The following LINS1 variants were observed in gnomAD, a reference collection of about 807,000 sequenced individuals.
The protein encoded by LINS1 is lines homolog 1, also known as protein Lines homolog 1.
Under a neutral mutation model 41.6 loss-of-function variants are expected in LINS1, and 27 were observed. That is an observed-to-expected ratio of 0.65 (90% CI 0.48 to 0.89). The LOEUF is 0.89. Ranked by LOEUF, LINS1 falls within the 40% of genes least tolerant of loss-of-function variation. LINS1 has a pLI of 0.00. For synonymous variants in LINS1, 336 were observed against 312.9 expected, an observed-to-expected ratio of 1.07 and a Z score of -0.78; for missense variants, 955 against 884.1, an observed-to-expected ratio of 1.08 and a Z score of -1.02.
chr15:100,570,071 C>A lies in LINS1; in HGVS notation c.1441G>T (p.Asp481Tyr). The change falls in exon 7 of 7, where the codon GAC becomes TAC. Residue 481 changes from aspartate (D) to tyrosine (Y), a missense_variant. Coordinates refer to ENST00000314742, the MANE Select transcript of LINS1 (RefSeq NM_001040616.3). ...ESLTQGKEMW[D>Y]HHTHENGYNP... is the part of the protein sequence containing the mutation. The stretch of plus-strand genomic sequence containing the variant: ...TAGCCATTTTCATGTGTGTGATGGT[C>A]CCACATTTCTTTTCCCTGAGTCAAG... 1 of 1,578,154 alleles carries A rather than the reference C, an allele frequency of 6.3e-7. No homozygotes were observed. The highest frequency in any genetic ancestry group is 1.8e-5 in the Admixed American group (1 of 55,602).
intron 1 of LINS1, among the ~76,000 whole-genome samples, chr15:100,600,511 CTTTTA>C (rs1389018543): frequency 9.4e-6 from 1 of 105,998 alleles, no homozygotes; most frequent in East Asian, 3.2e-4. Context: ...TAAAATACCG[CTTTTA>C]TTTTATTTGT....
At chr15:100,572,678 C>T (rs1206317169) in intron 5 of LINS1, 2 of 986,088 alleles carry the variant, frequency 2.0e-6, no homozygotes, top group Non-Finnish European at 2.4e-6. Context: ...TCAGTGATGT[C>T]ATTGCTCACA....
rs147181433 is a variant in LINS1 at position 100,569,944 on chromosome 15, T to C, written c.1568A>G (p.Tyr523Cys). Residue 523 changes from tyrosine to cysteine, a missense_variant, in exon 7 of 7, where the codon TAT (tyrosine) becomes TGT (cysteine). Physicochemically the swap from Tyr to Cys is radical, Grantham distance 194 (BLOSUM62 -2). Transcript: ENST00000314742. ...LISSETCFLE[Y>C]FVRYLKLLQK... ...CAGTAATTTTAAATATCTAACAAAA[T>C]ATTCAAGAAAACAGGTTTCTGATGA... 1.3e-6 allele frequency: 2 copies of C among 1,591,410 alleles called. No individual in the cohort carries two copies. Among genetic ancestry groups the C allele is most frequent in the Non-Finnish European group, 8.6e-7 (1 of 1,166,702 alleles).
intron 3 of LINS1, 116 bp downstream of exon 3, chr15:100,580,147 C>T: frequency 1.2e-6 from 1 of 815,202 alleles, no homozygotes; most frequent in Non-Finnish European, 2.0e-6. Context: ...ATTGCTTGAG[C>T]CCAGAAGTTT....
intron 1 of LINS1, among the ~76,000 whole-genome samples, chr15:100,598,111 G>A (rs1396758318): frequency 6.6e-6 from 1 of 152,154 alleles, no homozygotes; most frequent in Non-Finnish European, 1.5e-5. Context: ...CGGTGATACT[G>A]TCTTCCAGCT....
chr15:100,588,626 T>C (rs1408967772), intron 1 of LINS1, among the ~76,000 whole-genome samples: 3 of 152,230 alleles, frequency 2.0e-5, no homozygotes, highest in South Asian at 2.1e-4. Flanking sequence ...AACTGCTTCT[T>C]TGACTTTTAA....
At position 100,568,416 on chromosome 15, in the gene LINS1, T is replaced by C. The variant is rs1425318087; in HGVS notation, c.*822A>G. 6.6e-6 allele frequency: 1 copy of C among 152,254 alleles called. No homozygotes were observed. Among genetic ancestry groups the C allele is most frequent in the East Asian group, 1.9e-4 (1 of 5,192 alleles). 9.4% of individuals were successfully genotyped at this position (152,254 alleles called of 1,614,324 possible). A position where few individuals can be genotyped will look rare whatever the true frequency, so the allele number is the denominator to read the frequency against. On this transcript the variant is annotated 3_prime_UTR_variant, in exon 7 of 7. Transcript: ENST00000314742. ...GGGTAGGTCCTAGTCCAATGACCGATGTCCTTGTAGGAGGGAAACTGGACA... is the reference window on the plus strand; with the variant it reads ...GGGTAGGTCCTAGTCCAATGACCGACGTCCTTGTAGGAGGGAAACTGGACA...
chr15:100,576,211 C>A, intron 3 of LINS1, among the ~76,000 whole-genome samples: 2 of 151,900 alleles, frequency 1.3e-5, no homozygotes, highest in Non-Finnish European at 2.9e-5. Flanking sequence ...ACAAAAAACC[C>A]TTCAAAAAAT....
chr15:100,577,600 A>G (rs145227418), intron 3 of LINS1, among the ~76,000 whole-genome samples: 1,532 of 152,302 alleles, frequency 0.01, 30 homozygotes, highest in African/African-American at 0.035. Context: ...CATACTGCCC[A>G]AGGTAGTTTA....
chr15:100,574,379 G>C (rs990074021), intron 4 of LINS1, 138 bp from the exon 5 acceptor site: 1 of 667,282 alleles, frequency 1.5e-6, no homozygotes, highest in South Asian at 1.8e-5. Context: ...TAACAAATGA[G>C]GTTACACAGA....
chr15:100,595,688 T>C (rs905601320), intron 1 of LINS1, among the ~76,000 whole-genome samples: 1 of 152,134 alleles, frequency 6.6e-6, no homozygotes, highest in African/African-American at 2.4e-5. Context: ...GTAAAAAAAA[T>C]TACTAGTTTC....
intron 3 of LINS1, among the ~76,000 whole-genome samples, chr15:100,579,217 G>T (rs1352237701): frequency 6.6e-6 from 1 of 151,316 alleles, no homozygotes; most frequent in African/African-American, 2.4e-5. Context: ...AAATAAAAAT[G>T]AGCCAGTGAT....
chr15:100,584,574 A>G, intron 1 of LINS1, among the ~76,000 whole-genome samples: 1 of 152,096 alleles, frequency 6.6e-6, no homozygotes, highest in South Asian at 2.1e-4. Context: ...GACAGAGGAA[A>G]AAAAAAAAGT....
chr15:100,578,709 T>G (rs1402127996), intron 3 of LINS1, among the ~76,000 whole-genome samples: 1 of 152,192 alleles, frequency 6.6e-6, no homozygotes, highest in East Asian at 1.9e-4. Context: ...CATGCTGCTA[T>G]AAAGACACAT....
chr15:100,573,354 A>G, intron 5 of LINS1: 1 of 1,227,770 alleles, frequency 8.1e-7, no homozygotes, highest in Non-Finnish European at 1.0e-6. Flanking sequence ...AATGCTGTAA[A>G]TACTTGAATA....
At chr15:100,597,471 G>C (rs1247262419) in intron 1 of LINS1, among the ~76,000 whole-genome samples, 1 of 152,148 alleles carries the variant, frequency 6.6e-6, no homozygotes, top group Non-Finnish European at 1.5e-5. Flanking sequence ...CCCAAGAATT[G>C]AACCAGGGAC....
At position 100,580,511 on chromosome 15, in the gene LINS1, T is replaced by G. The variant is rs747241674; in HGVS notation, c.332A>C (p.His111Pro). The stretch of plus-strand genomic sequence containing the variant: ...TACATCTCTGTACTGCTCCTTTGCA[T>G]GGAACTCGGTTTTGACAGACAATAT... ...TRILSVKTEF[H>P]AKEQYRDVIK... is the part of the protein sequence containing the mutation. The change falls in exon 2 of 7, where the codon CAT becomes CCT. Residue 111 changes from histidine to proline, a missense_variant. Coordinates refer to ENST00000314742, the MANE Select transcript of LINS1 (RefSeq NM_001040616.3). The G allele has an allele frequency of 6.0e-5, 97 of 1,613,990 alleles. No individual in the cohort carries two copies. Among genetic ancestry groups the G allele is most frequent in the Admixed American group, 1.2e-4 (7 of 59,972 alleles).
chr15:100,581,904 C>T (rs1213484707), intron 1 of LINS1, among the ~76,000 whole-genome samples: 1 of 152,194 alleles, frequency 6.6e-6, no homozygotes, highest in Non-Finnish European at 1.5e-5. Context: ...ACAGGTTGTG[C>T]CTGGTTCCCT....
chr15:100,598,685 T>G (rs2039349044), intron 1 of LINS1, among the ~76,000 whole-genome samples: 1 of 152,216 alleles, frequency 6.6e-6, no homozygotes, highest in Non-Finnish European at 1.5e-5. Context: ...TGAAATACAA[T>G]TTCTCTACCC....
Sources: allele counts gnomAD v4.1 joint callset (sites outside exome capture counted in the v4.1 genomes callset), GRCh38; gene constraint gnomAD v4.1.1; transcripts MANE v1.5; gene names NCBI Gene and HGNC (gene_info 2026-07-23, HGNC 2026-07-21).